Variants in OSBPL2 observed in about 807,000 individuals in gnomAD.
The protein encoded by OSBPL2 is oxysterol binding protein like 2, also known as oxysterol-binding protein-related protein 2.
A neutral mutation model predicts 58.4 loss-of-function variants in OSBPL2; 18 were observed. That is an observed-to-expected ratio of 0.31 (90% CI 0.21 to 0.46). The LOEUF (loss-of-function observed/expected upper bound fraction) is 0.46, where lower values mean the gene tolerates loss of function less well. Among genes scored for constraint, OSBPL2 ranks in the 20% least tolerant of loss-of-function variants. The probability of loss-of-function intolerance (pLI) is 1.00; values close to 1 mark genes in which losing one functional copy is unlikely to be tolerated. For synonymous variants in OSBPL2, 221 were observed against 234.1 expected (o/e 0.94, Z 0.51); for missense variants, 461 against 616.5 (o/e 0.75, Z 2.67).
In OSBPL2 at chr20:62,295,940, G is replaced by C. The variant is rs1223186123; in HGVS notation, c.*2053G>C. 1 of 152,240 alleles carries C rather than the reference G, an allele frequency of 6.6e-6. No individual in the cohort carries two copies. The highest frequency in any genetic ancestry group is 1.5e-5 in the Non-Finnish European group (1 of 68,042). 9.4% of individuals were successfully genotyped at this position (152,240 alleles called of 1,614,324 possible). On this transcript the variant is annotated 3_prime_UTR_variant, in exon 14 of 14. Transcript: ENST00000313733. The surrounding 1 kb of genome is among the most constrained non-coding windows in gnomAD (Gnocchi z 4.8). ...GGACCAGGCTCCTGGTATTTCAGGG[G>C]CTGGTTGGCTGCACAGACAGCCCCT...
At chr20:62,250,149 C>A (rs1204134035) in intron 1 of OSBPL2, among the ~76,000 whole-genome samples, 2 of 152,260 alleles carry the variant, frequency 1.3e-5, no homozygotes, top group African/African-American at 4.8e-5. Flanking sequence ...CAAGGCCTGG[C>A]ACCAGGTAGG....
chr20:62,281,619 G>A (rs920784025), intron 8 of OSBPL2, 171 bp from the exon 9 acceptor site: 19 of 561,026 alleles, frequency 3.4e-5, no homozygotes, highest in Middle Eastern at 3.3e-4. Context: ...TCATGGAGCC[G>A]TCCCCACAGC....
intron 5 of OSBPL2, among the ~76,000 whole-genome samples, chr20:62,272,465 C>G (rs1221885347): frequency 6.6e-6 from 1 of 152,164 alleles, no homozygotes; most frequent in East Asian, 1.9e-4. Context: ...CCATTGAGCT[C>G]TCAGTGGCCC....
intron 13 of OSBPL2, among the ~76,000 whole-genome samples, chr20:62,292,741 T>G (rs1369151074): frequency 6.6e-6 from 1 of 152,234 alleles, no homozygotes; most frequent in Non-Finnish European, 1.5e-5. Context: ...CCCGGTGGCT[T>G]ACATGTGGCT....
At position 62,263,697 on chromosome 20, in the gene OSBPL2, TCCGGGGGC is replaced by T. The variant is rs1288674272; in HGVS notation, c.258+10_258+17del. ...TGAAGAAGTGTGTTGGCCTGGTGAG[TCCGGGGGC>T]CCGTGTTCACACATGGGGCTGCACC... On this transcript the variant is annotated splice_region_variant and intron_variant, in intron 4 of 13. Coordinates refer to ENST00000313733, the MANE Select transcript of OSBPL2 (RefSeq NM_144498.4). 6.2e-7 allele frequency: 1 copy of T among 1,613,060 alleles called. No individual in the cohort carries two copies. The highest frequency in any genetic ancestry group is 1.1e-5 in the South Asian group (1 of 91,042).
intron 5 of OSBPL2, 146 bp from the exon 6 acceptor site, chr20:62,273,163 A>G: frequency 4.5e-6 from 3 of 664,802 alleles, no homozygotes; most frequent in African/African-American, 1.9e-5. Context: ...CTATAATCTC[A>G]GACACACTGC....
At chr20:62,255,901 C>T (rs1980891473) in intron 1 of OSBPL2, among the ~76,000 whole-genome samples, 156 bp from the exon 2 acceptor site, 1 of 152,180 alleles carries the variant, frequency 6.6e-6, no homozygotes, top group Non-Finnish European at 1.5e-5. Context: ...CTCTCGTTTA[C>T]TTTTTGAAAT....
rs774086268 is a variant in OSBPL2, at chr20:62,272,268, T to G, written c.393+9T>G. 1 of 1,612,184 alleles carries G rather than the reference T, an allele frequency of 6.2e-7. No homozygotes were observed. The highest frequency in any genetic ancestry group is 1.7e-5 in the Admixed American group (1 of 59,936). On this transcript the variant is annotated intron_variant, in intron 5 of 13. Coordinates refer to ENST00000313733, the MANE Select transcript of OSBPL2 (RefSeq NM_144498.4). ...CCCTGGAGAGGATGCAGGTGGGCCT[T>G]AGGGGTGCCAGGCAGGAGTTTGTCA...
intron 2 of OSBPL2, chr20:62,259,163 T>G (rs994626909): frequency 1.3e-5 from 2 of 152,244 alleles, no homozygotes; most frequent in African/African-American, 4.8e-5. Flanking sequence ...AGAGCCCCCA[T>G]GGAATAAACT....
intron 1 of OSBPL2, among the ~76,000 whole-genome samples, chr20:62,247,803 T>C (rs6121536): frequency 0.022 from 3,321 of 152,120 alleles, 48 homozygotes; most frequent in Non-Finnish European, 0.032. Context: ...TAGCTGGGAC[T>C]ACAGGCACCT....
At position 62,280,914 on chromosome 20, in the gene OSBPL2, C is replaced by T. The variant is rs80225038; in HGVS notation, c.675-144C>T. 68,433 of 651,382 alleles carry T rather than the reference C, an allele frequency of 0.11. 5,149 individuals are homozygous for T. Among genetic ancestry groups the T allele is most frequent in the African/African-American group, 0.27 (14,799 of 55,626 alleles). 40.4% of individuals were successfully genotyped at this position (651,382 alleles called of 1,614,324 possible). A position where few individuals can be genotyped will look rare whatever the true frequency, so the allele number is the denominator to read the frequency against. Reference sequence around the variant, plus strand: ...AAACGCATGCTAAATACACAGCCTCCGTCGCAGGGGCTTCAAAGCAGCGTG... The same window carrying T: ...AAACGCATGCTAAATACACAGCCTCTGTCGCAGGGGCTTCAAAGCAGCGTG... On this transcript the variant is annotated intron_variant, in intron 7 of 13. Coordinates refer to ENST00000313733, the MANE Select transcript of OSBPL2 (RefSeq NM_144498.4).
intron 10 of OSBPL2, 109 bp downstream of exon 10, chr20:62,284,278 C>T (rs937421466): frequency 9.2e-6 from 12 of 1,302,904 alleles, no homozygotes; most frequent in East Asian, 2.4e-5. Context: ...CTTTGGGCCC[C>T]ACCAGGAGAG....
intron 1 of OSBPL2, among the ~76,000 whole-genome samples, chr20:62,248,711 G>C (rs1276460917): frequency 8.7e-6 from 1 of 115,520 alleles, no homozygotes; most frequent in African/African-American, 2.8e-5. Flanking sequence ...TTTTTTAAGA[G>C]ACAGGGTCTT....
Position 62,272,221 on chromosome 20 carries a change from A to G in OSBPL2, c.355A>G (p.Arg119Gly), listed in dbSNP as rs781624842. The change falls in exon 5 of 14, where the codon AGG becomes GGG. Residue 119 changes from arginine (R) to glycine (G), a missense_variant. By Grantham distance (125) the Arg-to-Gly change is moderately radical. Coordinates refer to ENST00000313733, the MANE Select transcript of OSBPL2 (RefSeq NM_144498.4). ...EYMEHVYLIH[R>G]ASCQPQPLER... ...CATGGAGCACGTGTACCTCATCCAC[A>G]GGGCCTCCTGCCAGCCCCAGCCCCT... 1.2e-6 allele frequency: 2 copies of G among 1,613,558 alleles called. No homozygotes were observed. Among genetic ancestry groups the G allele is most frequent in the South Asian group, 1.1e-5 (1 of 91,052 alleles).
intron 10 of OSBPL2, 107 bp downstream of exon 10, chr20:62,284,276 C>T: frequency 7.4e-7 from 1 of 1,346,900 alleles, no homozygotes; most frequent in Non-Finnish European, 1.1e-6. Context: ...ACCTTTGGGC[C>T]CCACCAGGAG....
At chr20:62,247,849 G>A (rs974505504) in intron 1 of OSBPL2, among the ~76,000 whole-genome samples, 3 of 151,906 alleles carry the variant, frequency 2.0e-5, no homozygotes, top group Non-Finnish European at 4.4e-5. Context: ...ATTTTTAGTA[G>A]AGATGGAGTT....
Position 62,289,411 on chromosome 20 carries a change from C to T in OSBPL2, c.1249+81C>T, listed in dbSNP as rs143556813. On this transcript the variant is annotated intron_variant, in intron 12 of 13. Transcript: ENST00000313733. ...TGGGAGAGCACAAAGCACTCGCTGGCAGAAGCCAGGCTCTCGCCTACAAGG... is the reference window on the plus strand; with the variant it reads ...TGGGAGAGCACAAAGCACTCGCTGGTAGAAGCCAGGCTCTCGCCTACAAGG... 101 of 1,507,014 alleles carry T rather than the reference C, an allele frequency of 6.7e-5. 1 individual carries two copies. In the African/African-American group the frequency reaches 1.2e-3, roughly 17 times the overall value. The allele number at this position is 1,507,014 out of a possible 1,614,324, so 93.4% of individuals were successfully genotyped here. A position where few individuals can be genotyped will look rare whatever the true frequency, so the allele number is the denominator to read the frequency against.
At chr20:62,273,237 C>A in intron 5 of OSBPL2, 72 bp from the exon 6 acceptor site, 1 of 1,230,904 alleles carries the variant, frequency 8.1e-7, no homozygotes, top group Non-Finnish European at 1.2e-6. Flanking sequence ...CACCGCCCTC[C>A]ACAAGAGGCC....
chr20:62,248,609 G>A (rs1310217070), intron 1 of OSBPL2, among the ~76,000 whole-genome samples: 2 of 152,140 alleles, frequency 1.3e-5, no homozygotes, highest in Non-Finnish European at 1.5e-5. Flanking sequence ...CCAGCAGGTC[G>A]CCCGTGGTGG....
Sources: gnomAD v4.1 joint callset for allele counts (sites outside exome capture counted in the v4.1 genomes callset) on GRCh38, gnomAD v4.1.1 for gene constraint, Gnocchi (gnomAD v3.1) non-coding constraint, MANE v1.5 for transcripts, NCBI Gene and HGNC (gene_info 2026-07-23, HGNC 2026-07-21) for gene names.